Variants in TDRD9 observed in about 807,000 individuals in gnomAD.
The protein encoded by TDRD9 is ATP-dependent RNA helicase TDRD9.
A neutral mutation model predicts 172.6 loss-of-function variants in TDRD9; 124 were observed. That is an observed-to-expected ratio of 0.72 (90% confidence interval 0.62 to 0.83). The LOEUF (loss-of-function observed/expected upper bound fraction) is 0.83, where lower values mean the gene tolerates loss of function less well. TDRD9 is among the 40% of genes least tolerant of loss of function. The pLI, the probability that TDRD9 is intolerant of heterozygous loss-of-function variation, is 0.00. For synonymous variants in TDRD9, 619 were observed against 617.1 expected, an observed-to-expected ratio of 1.00 and a Z score of -0.05; for missense variants, 1,479 against 1,714.1, an observed-to-expected ratio of 0.86 and a Z score of 2.42.
intron 2 of TDRD9, among the ~76,000 whole-genome samples, chr14:103,958,309 A>G (rs573960432): frequency 2.6e-5 from 4 of 152,094 alleles, no homozygotes; most frequent in African/African-American, 4.8e-5. Context: ...GCAGGGAGGG[A>G]AATGTGTGCA....
chr14:103,947,147 C>T (rs1440238771), intron 1 of TDRD9, among the ~76,000 whole-genome samples: 1 of 152,064 alleles, frequency 6.6e-6, no homozygotes, highest in African/African-American at 2.4e-5. Flanking sequence ...TACTACAAAG[C>T]TACAATCATC....
Position 104,022,160 on chromosome 14 carries a change from C to G in TDRD9, c.2436C>G (p.Ala812=), listed in dbSNP as rs1416136399. 1.3e-6 allele frequency: 2 copies of G among 1,552,424 alleles called. No homozygotes were observed. Among genetic ancestry groups the G allele is most frequent in the Admixed American group, 2.0e-5 (1 of 50,798 alleles). Residue 812 remains alanine (A), a synonymous_variant, in exon 24 of 36, where the codon GCC becomes GCG. Transcript: ENST00000409874. The stretch of plus-strand genomic sequence containing the variant: ...TAAATTTACATTTGTGGAACAGAGC[C>G]TTTGTGGAATTCTCACGAAATCCAA... The part of the protein sequence containing the change: ...VKSIVFDGAK[A]FVEFSRNPTE...
chr14:104,002,474 G>A (rs2034294708), intron 13 of TDRD9, among the ~76,000 whole-genome samples: 1 of 152,148 alleles, frequency 6.6e-6, no homozygotes, highest in Admixed American at 6.5e-5. Context: ...AACAGAAAAA[G>A]GAAAGTGACG....
chr14:103,946,214 C>A (rs1467580171), intron 1 of TDRD9, among the ~76,000 whole-genome samples: 1 of 152,180 alleles, frequency 6.6e-6, no homozygotes, highest in Non-Finnish European at 1.5e-5. Flanking sequence ...AAGCAATCCT[C>A]CCACCTCAGC....
In TDRD9 at chr14:104,016,079, A is replaced by G; in HGVS notation, c.2322A>G (p.Thr774=). 1 of 1,600,154 alleles carries G rather than the reference A, an allele frequency of 6.2e-7. No homozygotes were observed. The highest frequency in any genetic ancestry group is 8.5e-7 in the Non-Finnish European group (1 of 1,173,476). ...VRELAGKDPK[T]TVVLKHIPPY... ...AGCTGGCTGGCAAGGACCCCAAGAC[A>G]ACTGTCGTGGTAGGTGCTGGGGGCA... Residue 774 remains threonine (T), a synonymous_variant, in exon 22 of 36, where the codon ACA becomes ACG. Coordinates refer to ENST00000409874, the MANE Select transcript of TDRD9 (RefSeq NM_153046.3).
At chr14:103,948,623 C>T (rs2031698125) in intron 1 of TDRD9, among the ~76,000 whole-genome samples, 1 of 152,096 alleles carries the variant, frequency 6.6e-6, no homozygotes, top group Non-Finnish European at 1.5e-5. Context: ...AGGAGTATTA[C>T]TCAGCCTTGA....
chr14:104,002,208 T>C (rs72714904), intron 13 of TDRD9, among the ~76,000 whole-genome samples: 57,034 of 150,780 alleles, frequency 0.38, 10,957 homozygotes, highest in African/African-American at 0.43. Flanking sequence ...TACTCCCAGC[T>C]ACTCAGTAGG....
At chr14:103,952,827 C>T (rs1262428824) in intron 1 of TDRD9, among the ~76,000 whole-genome samples, 1 of 146,520 alleles carries the variant, frequency 6.8e-6, no homozygotes, top group African/African-American at 2.5e-5. Flanking sequence ...CAACCTCTGC[C>T]TCTAGGTTTC....
chr14:104,052,096 T>A lies in TDRD9; in HGVS notation c.*14T>A. Reference sequence around the variant, plus strand: ...CTCGGCACCTGAGCATGTCCACAGGTGGCCTCCAGCACACCCCTCAGGAAG... The same window carrying A: ...CTCGGCACCTGAGCATGTCCACAGGAGGCCTCCAGCACACCCCTCAGGAAG... On this transcript the variant is annotated 3_prime_UTR_variant, in exon 36 of 36. Transcript: ENST00000409874. 1 of 1,550,646 alleles carries A rather than the reference T, an allele frequency of 6.4e-7. No homozygotes were observed. Among genetic ancestry groups the A allele is most frequent in the Non-Finnish European group, 8.7e-7 (1 of 1,143,990 alleles).
At chr14:104,048,308 AGCT>A (rs2035840104) in intron 34 of TDRD9, among the ~76,000 whole-genome samples, 1 of 152,168 alleles carries the variant, frequency 6.6e-6, no homozygotes. Context: ...ATGTGATCAT[AGCT>A]CACTGCAGCC....
chr14:103,963,600 G>A (rs1424430528), intron 3 of TDRD9, among the ~76,000 whole-genome samples: 1 of 152,138 alleles, frequency 6.6e-6, no homozygotes, highest in Non-Finnish European at 1.5e-5. Context: ...TTCTCTGCCT[G>A]TTGATTAATG....
chr14:104,045,852 C>T (rs2035758074), intron 34 of TDRD9, among the ~76,000 whole-genome samples: 1 of 152,238 alleles, frequency 6.6e-6, no homozygotes, highest in Admixed American at 6.5e-5. Flanking sequence ...TAGAGCCATG[C>T]TCCCGCACTT....
Position 103,995,823 on chromosome 14 carries a change from G to T in TDRD9, c.1378+16G>T. On this transcript the variant is annotated intron_variant, in intron 12 of 35. Transcript: ENST00000409874. ...GTCAAATATGGTAAGATACTTCTCC[G>T]TTTACCTCCTGGCATTAGCTGTAGT... 6.3e-7 allele frequency: 1 copy of T among 1,598,754 alleles called. No individual in the cohort carries two copies. The highest frequency in any genetic ancestry group is 8.5e-7 in the Non-Finnish European group (1 of 1,173,330).
chr14:104,049,021 C>A (rs1312274272), intron 34 of TDRD9, among the ~76,000 whole-genome samples: 2 of 152,018 alleles, frequency 1.3e-5, no homozygotes, highest in African/African-American at 2.4e-5. Flanking sequence ...GGCAGTTTGT[C>A]ATGAATGAAT....
At chr14:103,929,526 C>A (rs945411266) in intron 1 of TDRD9, among the ~76,000 whole-genome samples, 1 of 151,724 alleles carries the variant, frequency 6.6e-6, no homozygotes, top group Non-Finnish European at 1.5e-5. Flanking sequence ...CCAAGTTCTC[C>A]CCCCACCCCC....
In TDRD9 at chr14:104,015,896, A is replaced by G; in HGVS notation, c.2224-85A>G. ...CATCTTTTACATTTATGGATGTCAT[A>G]TCATGCTGGGTTGAGATTAGTATAT... On this transcript the variant is annotated intron_variant, in intron 21 of 35. Coordinates refer to ENST00000409874, the MANE Select transcript of TDRD9 (RefSeq NM_153046.3). The G allele has an allele frequency of 1.2e-5, 11 of 927,016 alleles. No homozygotes were observed. The South Asian group carries it at 2.0e-4, about 17-fold the overall frequency. The allele number at this position is 927,016 out of a possible 1,614,324, so 57.4% of individuals were successfully genotyped here. A position where few individuals can be genotyped will look rare whatever the true frequency, so the allele number is the denominator to read the frequency against.
chr14:103,979,716 A>G (rs2033395604), intron 7 of TDRD9, among the ~76,000 whole-genome samples: 1 of 152,180 alleles, frequency 6.6e-6, no homozygotes, highest in Admixed American at 6.5e-5. Context: ...GACTTTGATC[A>G]CTGGAAAGGT....
intron 35 of TDRD9, among the ~76,000 whole-genome samples, chr14:104,051,618 G>GT (rs2035937497): frequency 1.3e-5 from 2 of 152,074 alleles, no homozygotes; most frequent in East Asian, 1.9e-4. Context: ...AACATCTGTT[G>GT]TTTTTTTGAC....
intron 27 of TDRD9, 137 bp downstream of exon 27, chr14:104,026,273 G>C: frequency 3.2e-6 from 2 of 626,768 alleles, no homozygotes; most frequent in South Asian, 4.4e-5. Context: ...GACTTGCTTT[G>C]TCACAATAGC....
Sources: gnomAD v4.1 joint callset for allele counts (sites outside exome capture counted in the v4.1 genomes callset) on GRCh38, gnomAD v4.1.1 for gene constraint, MANE v1.5 for transcripts, NCBI Gene and HGNC (gene_info 2026-07-23, HGNC 2026-07-21) for gene names.